The following DOK5 variants were observed in gnomAD, a reference collection of about 807,000 sequenced individuals.
The protein encoded by DOK5 is downstream of tyrosine kinase 5.
Under a neutral mutation model 43.3 loss-of-function variants are expected in DOK5, and 27 were observed. That is an observed-to-expected ratio of 0.62 (90% CI 0.46 to 0.86). The LOEUF is 0.86. Among genes scored for constraint, DOK5 ranks in the 40% least tolerant of loss-of-function variants. The probability of loss-of-function intolerance (pLI) is 0.00; values close to 1 mark genes in which losing one functional copy is unlikely to be tolerated. For missense variants in DOK5, 373 were observed against 392.9 expected, an observed-to-expected ratio of 0.95 and a Z score of 0.43; for synonymous variants, 146 against 140.1, an observed-to-expected ratio of 1.04 and a Z score of -0.30.
chr20:54,520,365 A>G (rs1052537934), intron 1 of DOK5, among the ~76,000 whole-genome samples: 9 of 152,154 alleles, frequency 5.9e-5, no homozygotes, highest in Non-Finnish European at 2.9e-5. Flanking sequence ...TCAAGATTTC[A>G]TATATAATCA....
intron 7 of DOK5, among the ~76,000 whole-genome samples, chr20:54,644,966 C>G: frequency 7.1e-6 from 1 of 140,302 alleles, no homozygotes; most frequent in Admixed American, 7.0e-5. Context: ...TTATGTTATG[C>G]GCCTTTGTGG....
intron 1 of DOK5, among the ~76,000 whole-genome samples, chr20:54,500,452 T>A (rs532773201): frequency 6.6e-6 from 1 of 151,850 alleles, no homozygotes; most frequent in Admixed American, 6.5e-5. Flanking sequence ...ACTGCCCCAA[T>A]ACAAAATTAT....
intron 6 of DOK5, among the ~76,000 whole-genome samples, chr20:54,641,062 C>T (rs1979090024): frequency 6.6e-6 from 1 of 152,052 alleles, no homozygotes; most frequent in African/African-American, 2.4e-5. Context: ...TATAAATATG[C>T]ATACTTATTA....
intron 2 of DOK5, chr20:54,555,393 G>C (rs941988415): frequency 1.2e-4 from 19 of 161,450 alleles, no homozygotes; most frequent in Non-Finnish European, 1.8e-4. Context: ...TTCAATGCTT[G>C]GGGAATGTGG....
intron 2 of DOK5, among the ~76,000 whole-genome samples, chr20:54,573,308 G>C (rs190120348): frequency 8.3e-4 from 126 of 152,294 alleles, no homozygotes; most frequent in Admixed American, 7.8e-3. Context: ...CAGGGAGAAT[G>C]CTTGTTGGGA....
chr20:54,647,755 G>C (rs1979505983), intron 7 of DOK5, among the ~76,000 whole-genome samples: 1 of 152,184 alleles, frequency 6.6e-6, no homozygotes, highest in Non-Finnish European at 1.5e-5. Flanking sequence ...TTCTCATGGA[G>C]AGTCAGAAAA....
intron 5 of DOK5, among the ~76,000 whole-genome samples, chr20:54,596,628 C>T (rs942979100): frequency 1.3e-5 from 2 of 152,148 alleles, no homozygotes; most frequent in Admixed American, 1.3e-4. Flanking sequence ...TCATTGCCAC[C>T]TGTAAATTGG....
At position 54,489,382 on chromosome 20, in the gene DOK5, A is replaced by C. The variant is rs545783936; in HGVS notation, c.66+13370A>C. Among the ~76,000 whole-genome samples, 20 of 152,116 alleles carry C rather than the reference A, an allele frequency of 1.3e-4. No homozygotes were observed. The South Asian group carries it at 1.5e-3, about 11-fold the overall frequency. ...TGAATAGTCTCTTCCAGAATAGTCT[A>C]TATATAAGTAGTTTTGTGTGTGTGT... On this transcript the variant is annotated intron_variant, in intron 1 of 7. Coordinates refer to ENST00000262593, the MANE Select transcript of DOK5 (RefSeq NM_018431.5).
intron 2 of DOK5, among the ~76,000 whole-genome samples, chr20:54,573,395 T>C (rs529097311): frequency 3.3e-5 from 5 of 152,146 alleles, no homozygotes; most frequent in East Asian, 1.9e-4. Context: ...GCTTTTAAGA[T>C]AATAAAGTTA....
At chr20:54,583,362 G>T (rs1278652695) in intron 2 of DOK5, among the ~76,000 whole-genome samples, 1 of 152,082 alleles carries the variant, frequency 6.6e-6, no homozygotes, top group African/African-American at 2.4e-5. Context: ...AGTGTATTCT[G>T]CTGCTATTGA....
chr20:54,524,466 T>C (rs1041516540), intron 1 of DOK5, among the ~76,000 whole-genome samples: 4 of 152,214 alleles, frequency 2.6e-5, no homozygotes, highest in African/African-American at 9.6e-5. Context: ...TCTCGAATTA[T>C]CTGATTTTAG....
intron 1 of DOK5, among the ~76,000 whole-genome samples, chr20:54,480,973 TATCTATCTATCATCTATC>T (rs1439740148): frequency 1.0e-4 from 9 of 88,012 alleles, no homozygotes; most frequent in Admixed American, 5.1e-4. Flanking sequence ...ATCTATCATC[TATCTATCTATCATCTATC>T]ATCTATCTAT....
At chr20:54,542,725 G>A (rs759946828) in intron 1 of DOK5, among the ~76,000 whole-genome samples, 1 of 152,110 alleles carries the variant, frequency 6.6e-6, no homozygotes, top group Non-Finnish European at 1.5e-5. Context: ...TGCAAAATAG[G>A]TTACAACATA....
intron 1 of DOK5, among the ~76,000 whole-genome samples, chr20:54,537,831 C>CTTT (rs927019328): frequency 2.8e-3 from 255 of 89,550 alleles, no homozygotes; most frequent in Non-Finnish European, 3.5e-3. Flanking sequence ...TGTACAAGTT[C>CTTT]TTTTTTTTTT....
intron 1 of DOK5, among the ~76,000 whole-genome samples, chr20:54,501,038 T>C (rs1982577765): frequency 1.3e-5 from 2 of 152,156 alleles, no homozygotes; most frequent in African/African-American, 4.8e-5. Flanking sequence ...TTTGACCATG[T>C]TTTAGATTGT....
Position 54,650,506 on chromosome 20 carries a change from A to T in DOK5, c.*27A>T. 1 of 1,607,910 alleles carries T rather than the reference A, an allele frequency of 6.2e-7. No homozygotes were observed. The highest frequency in any genetic ancestry group is 8.5e-7 in the Non-Finnish European group (1 of 1,175,338). On this transcript the variant is annotated 3_prime_UTR_variant, in exon 8 of 8. Coordinates refer to ENST00000262593, the MANE Select transcript of DOK5 (RefSeq NM_018431.5). ...AGTAACTGCCAAGAATTGTTAACAC[A>T]CTTGTGATGTGTCAGCCACAGATTC...
chr20:54,536,935 T>C (rs887593478), intron 1 of DOK5, among the ~76,000 whole-genome samples: 3 of 152,210 alleles, frequency 2.0e-5, no homozygotes, highest in African/African-American at 7.2e-5. Context: ...ATGGGAAGCC[T>C]GGACTTCTAA....
intron 1 of DOK5, among the ~76,000 whole-genome samples, chr20:54,547,049 T>C (rs145672962): frequency 9.8e-5 from 15 of 152,340 alleles, no homozygotes; most frequent in African/African-American, 3.6e-4. Flanking sequence ...CTATGAGATC[T>C]GAGCTTAAAG....
At chr20:54,511,716 G>A (rs1983021265) in intron 1 of DOK5, among the ~76,000 whole-genome samples, 1 of 152,188 alleles carries the variant, frequency 6.6e-6, no homozygotes. Flanking sequence ...CATTGCTGGA[G>A]TCAGTGACAT....
Sources: allele counts gnomAD v4.1 joint callset (sites outside exome capture counted in the v4.1 genomes callset), GRCh38; gene constraint gnomAD v4.1.1; transcripts MANE v1.5; gene names NCBI Gene and HGNC (gene_info 2026-07-23, HGNC 2026-07-21).